The following ZFHX3 variants were observed in gnomAD, a reference collection of about 807,000 sequenced individuals.
ZFHX3 encodes the protein zinc finger homeobox 3, also known as zinc finger homeobox protein 3.
A neutral mutation model predicts 279.1 loss-of-function variants in ZFHX3; 42 were observed. The ratio of observed to expected loss-of-function variants is 0.15; its 90% CI spans 0.12 to 0.19. The LOEUF (loss-of-function observed/expected upper bound fraction) is 0.19, where lower values mean the gene tolerates loss of function less well. ZFHX3 is among the 10% of genes least tolerant of loss of function. The pLI, the probability that ZFHX3 is intolerant of heterozygous loss-of-function variation, is 1.00. For synonymous variants in ZFHX3, 2,293 were observed against 1,957.8 expected (o/e 1.17, Z -4.52); for missense variants, 4,981 against 4,754.0 (o/e 1.05, Z -1.40).
At chr16:72,825,694 A>G (rs182414527) in intron 5 of ZFHX3, among the ~76,000 whole-genome samples, 2 of 152,310 alleles carry the variant, frequency 1.3e-5, no homozygotes, top group Admixed American at 1.3e-4. Context: ...CAGCCGTTAT[A>G]ATTACCAGAA....
chr16:73,695,969 G>A (rs1321018957), intron 1 of ZFHX3, among the ~76,000 whole-genome samples: 2 of 152,204 alleles, frequency 1.3e-5, no homozygotes, highest in Non-Finnish European at 2.9e-5. Flanking sequence ...CTTATGCCAA[G>A]AGATAACTTA....
rs866103207 is a variant in ZFHX3 at position 73,316,024 on chromosome 16, G to A, written c.-1194+2216C>T. Among the ~76,000 whole-genome samples, 6 of 152,260 alleles carry A rather than the reference G, an allele frequency of 3.9e-5. No individual in the cohort carries two copies. The Middle Eastern group carries it at 0.01, about 259-fold the overall frequency. ...TCTTAGTGGGGGTTGGAAACCGCTG[G>A]CCCGCACTGGCCAGACCATGGGGAG... On this transcript the variant is annotated intron_variant, in intron 4 of 17. Transcript: ENST00000641206.
At chr16:73,235,769 C>T (rs967787025) in intron 5 of ZFHX3, among the ~76,000 whole-genome samples, 4 of 152,068 alleles carry the variant, frequency 2.6e-5, no homozygotes, top group African/African-American at 9.7e-5. Flanking sequence ...ACCTCCTGGG[C>T]TCAAGCAATC....
At chr16:73,527,456 G>T (rs1224557985) in intron 2 of ZFHX3, among the ~76,000 whole-genome samples, 1 of 152,136 alleles carries the variant, frequency 6.6e-6, no homozygotes, top group Non-Finnish European at 1.5e-5. Context: ...GAGAGCCTTG[G>T]GGACCTACTG....
chr16:73,740,153 A>T (rs1050856266), intron 1 of ZFHX3, among the ~76,000 whole-genome samples: 4 of 152,146 alleles, frequency 2.6e-5, no homozygotes, highest in Admixed American at 6.5e-5. Flanking sequence ...TTCAAATGCA[A>T]ATAACTTTGG....
At chr16:73,780,719 G>T (rs1597112398) in intron 1 of ZFHX3, among the ~76,000 whole-genome samples, 1 of 152,228 alleles carries the variant, frequency 6.6e-6, no homozygotes, top group South Asian at 2.1e-4. Flanking sequence ...TGGGATTACA[G>T]GCACGAGCCA....
At chr16:72,919,017 G>A (rs538846436) in intron 3 of ZFHX3, among the ~76,000 whole-genome samples, 7 of 151,944 alleles carry the variant, frequency 4.6e-5, no homozygotes, top group African/African-American at 1.7e-4. Context: ...ATTTCTATAC[G>A]ATGTTCCTTT....
At chr16:73,854,780 G>A (rs984366169) in intron 1 of ZFHX3, among the ~76,000 whole-genome samples, 3 of 142,804 alleles carry the variant, frequency 2.1e-5, no homozygotes, top group Non-Finnish European at 4.5e-5. Flanking sequence ...TTTCTAGAAG[G>A]CAACCTAAGA....
intron 2 of ZFHX3, among the ~76,000 whole-genome samples, chr16:73,635,683 G>C (rs775229061): frequency 6.6e-6 from 1 of 152,002 alleles, no homozygotes; most frequent in Non-Finnish European, 1.5e-5. Flanking sequence ...CTCTCACCCT[G>C]TGATCCTGAT....
At chr16:73,757,643 A>G (rs1000153537) in intron 1 of ZFHX3, among the ~76,000 whole-genome samples, 1 of 152,134 alleles carries the variant, frequency 6.6e-6, no homozygotes, top group Admixed American at 6.5e-5. Context: ...GAGGAAACAG[A>G]CCCCAAACGA....
intron 2 of ZFHX3, among the ~76,000 whole-genome samples, chr16:73,621,583 G>A (rs1438971467): frequency 5.9e-5 from 9 of 152,112 alleles, no homozygotes; most frequent in Non-Finnish European, 1.2e-4. Context: ...GCACAGCATC[G>A]GGGAGGGAGA....
intron 3 of ZFHX3, among the ~76,000 whole-genome samples, chr16:73,331,274 G>A (rs2015798660): frequency 6.6e-6 from 1 of 152,140 alleles, no homozygotes; most frequent in Non-Finnish European, 1.5e-5. Flanking sequence ...CACCTCCCAT[G>A]ACGTCCCTCC....
chr16:73,656,812 T>G (rs1004350315), intron 2 of ZFHX3, among the ~76,000 whole-genome samples: 1 of 152,224 alleles, frequency 6.6e-6, no homozygotes, highest in Non-Finnish European at 1.5e-5. Flanking sequence ...TGATTACCCT[T>G]TTCTCATTCT....
chr16:72,845,986 A>C, intron 4 of ZFHX3, among the ~76,000 whole-genome samples: 1 of 152,114 alleles, frequency 6.6e-6, no homozygotes. Context: ...TTCACAGGAG[A>C]ACACACACTT....
intron 5 of ZFHX3, among the ~76,000 whole-genome samples, chr16:73,214,018 C>T (rs952555243): frequency 1.3e-5 from 2 of 152,174 alleles, no homozygotes; most frequent in African/African-American, 4.8e-5. Context: ...GTTTGATACA[C>T]CTCATTAAAC....
chr16:73,321,259 C>T (rs1460753136), intron 3 of ZFHX3, among the ~76,000 whole-genome samples: 1 of 152,084 alleles, frequency 6.6e-6, no homozygotes, highest in Non-Finnish European at 1.5e-5. Context: ...GTAAGCAGTA[C>T]AGGGAAGCAG....
intron 5 of ZFHX3, among the ~76,000 whole-genome samples, chr16:73,216,723 A>C (rs1380666103): frequency 6.6e-6 from 1 of 152,124 alleles, no homozygotes; most frequent in Non-Finnish European, 1.5e-5. Context: ...AGATCGCGCC[A>C]CTGCACTCCA....
chr16:73,273,689 A>G (rs2014215185), intron 4 of ZFHX3, among the ~76,000 whole-genome samples: 1 of 152,126 alleles, frequency 6.6e-6, no homozygotes, highest in Non-Finnish European at 1.5e-5. Flanking sequence ...AGGATATTCC[A>G]TACTTTTTTT....
chr16:73,708,011 G>A (rs1305702276), intron 1 of ZFHX3, among the ~76,000 whole-genome samples: 1 of 151,536 alleles, frequency 6.6e-6, no homozygotes, highest in Non-Finnish European at 1.5e-5. Context: ...AGAGCTGGGT[G>A]GTAGAGATAG....
Sources: allele counts gnomAD v4.1 joint callset (sites outside exome capture counted in the v4.1 genomes callset), GRCh38; gene constraint gnomAD v4.1.1; transcripts MANE v1.5; gene names NCBI Gene and HGNC (gene_info 2026-07-23, HGNC 2026-07-21).